Variants in AMPH observed in about 807,000 individuals in gnomAD.
AMPH encodes amphiphysin (Stiff-Mann syndrome with breast cancer 128kD autoantigen).
A neutral mutation model predicts 99.1 loss-of-function variants in AMPH; 49 were observed. The observed-to-expected ratio is 0.49, with a 90% CI of 0.39 to 0.63. The LOEUF is 0.63. Among genes scored for constraint, AMPH ranks in the 20% least tolerant of loss-of-function variants. The probability of loss-of-function intolerance (pLI) is 0.00; values close to 1 mark genes in which losing one functional copy is unlikely to be tolerated. For synonymous variants in AMPH, 314 were observed against 317.3 expected (o/e 0.99, Z 0.11); for missense variants, 759 against 863.4 (o/e 0.88, Z 1.52).
intron 1 of AMPH, among the ~76,000 whole-genome samples, chr7:38,546,522 A>C (rs935537175): frequency 2.0e-5 from 3 of 152,208 alleles, no homozygotes; most frequent in African/African-American, 7.2e-5. Context: ...ATTTTATAAT[A>C]AAAAGTTGGA....
chr7:38,564,026 G>T (rs79349513), intron 1 of AMPH, among the ~76,000 whole-genome samples: 6,463 of 152,204 alleles, frequency 0.042, 175 homozygotes, highest in East Asian at 0.077. Flanking sequence ...CACTTGGGTC[G>T]CTTCCAACTT....
At chr7:38,606,060 G>A (rs923272663) in intron 1 of AMPH, among the ~76,000 whole-genome samples, 1 of 152,136 alleles carries the variant, frequency 6.6e-6, no homozygotes, top group African/African-American at 2.4e-5. Flanking sequence ...TGTGGAACTC[G>A]TGCAAGCCTG....
At chr7:38,533,256 C>T (rs1790479723) in intron 2 of AMPH, among the ~76,000 whole-genome samples, 1 of 152,194 alleles carries the variant, frequency 6.6e-6, no homozygotes, top group Admixed American at 6.5e-5. Context: ...TCTAGGAATT[C>T]TCTTTTCTAC....
chr7:38,449,795 C>T (rs192994114), intron 11 of AMPH, among the ~76,000 whole-genome samples: 5 of 152,156 alleles, frequency 3.3e-5, no homozygotes, highest in Non-Finnish European at 5.9e-5. Context: ...AAAGAAGAGG[C>T]AGCTGGTCCA....
At chr7:38,545,710 G>A (rs1227157129) in intron 1 of AMPH, among the ~76,000 whole-genome samples, 1 of 152,152 alleles carries the variant, frequency 6.6e-6, no homozygotes, top group Non-Finnish European at 1.5e-5. Flanking sequence ...TAGATGTTCT[G>A]CACAATCTCA....
At position 38,566,623 on chromosome 7, in the gene AMPH, C is replaced by A. The variant is rs549526408; in HGVS notation, c.70-31612G>T. On this transcript the variant is annotated intron_variant, in intron 1 of 20. Coordinates refer to ENST00000356264, the MANE Select transcript of AMPH (RefSeq NM_001635.4). ...GAGTGAACAGGCAACCTACAGAATGCGAGAAAATTTTTGCGATCTACCCAT... is the reference window on the plus strand; with the variant it reads ...GAGTGAACAGGCAACCTACAGAATGAGAGAAAATTTTTGCGATCTACCCAT... Among the ~76,000 whole-genome samples, 166 of 151,900 alleles carry A rather than the reference C, an allele frequency of 1.1e-3. 1 individual carries two copies. The highest frequency in any genetic ancestry group is 1.0e-3 in the Non-Finnish European group (68 of 67,940).
intron 7 of AMPH, among the ~76,000 whole-genome samples, chr7:38,470,435 T>C (rs2129012264): frequency 6.6e-6 from 1 of 152,246 alleles, no homozygotes; most frequent in Admixed American, 6.5e-5. Flanking sequence ...CTCATCTGCT[T>C]GATACCTCTA....
intron 3 of AMPH, among the ~76,000 whole-genome samples, chr7:38,497,305 T>C (rs1788967151): frequency 6.6e-6 from 1 of 152,068 alleles, no homozygotes; most frequent in Admixed American, 6.6e-5. Flanking sequence ...ACCTCCGAGA[T>C]TGAATAATAT....
intron 1 of AMPH, among the ~76,000 whole-genome samples, chr7:38,579,933 T>C (rs1003273972): frequency 2.0e-5 from 3 of 152,138 alleles, no homozygotes; most frequent in African/African-American, 7.2e-5. Context: ...AGAAAATGCA[T>C]ACCAGTCCCA....
chr7:38,538,227 A>C (rs765654677), intron 1 of AMPH, among the ~76,000 whole-genome samples: 15 of 152,228 alleles, frequency 9.9e-5, no homozygotes, highest in Non-Finnish European at 1.9e-4. Flanking sequence ...TTTCAAATAC[A>C]TTCTGAGAAT....
intron 1 of AMPH, among the ~76,000 whole-genome samples, chr7:38,553,003 T>G (rs529947867): frequency 6.6e-6 from 1 of 152,300 alleles, no homozygotes; most frequent in Admixed American, 6.5e-5. Context: ...GTTCCCTTGA[T>G]CTTAACTTCC....
intron 7 of AMPH, among the ~76,000 whole-genome samples, chr7:38,470,484 T>G (rs74413520): frequency 0.023 from 3,452 of 152,208 alleles, 125 homozygotes; most frequent in African/African-American, 0.079. Flanking sequence ...TTTTTAAAAT[T>G]CTCTCCATTC....
intron 11 of AMPH, among the ~76,000 whole-genome samples, chr7:38,456,538 A>T (rs1584115978): frequency 6.6e-6 from 1 of 152,154 alleles, no homozygotes; most frequent in South Asian, 2.1e-4. Flanking sequence ...GGCCAGCCCA[A>T]CCTGCCAAAG....
In AMPH at chr7:38,384,175, A is replaced by G. The variant is rs1294616769; in HGVS notation, c.*643T>C. The stretch of plus-strand genomic sequence containing the variant: ...CAATTGTAATGCCAGACAGAATAAG[A>G]GCAATGCATGTATCAATGACAATTG... On this transcript the variant is annotated 3_prime_UTR_variant, in exon 21 of 21. Coordinates refer to ENST00000356264, the MANE Select transcript of AMPH (RefSeq NM_001635.4). 1.3e-5 allele frequency: 2 copies of G among 152,496 alleles called. No homozygotes were observed. Among genetic ancestry groups the G allele is most frequent in the African/African-American group, 2.4e-5 (1 of 41,470 alleles). 9.4% of individuals were successfully genotyped at this position (152,496 alleles called of 1,614,324 possible). A position where few individuals can be genotyped will look rare whatever the true frequency, so the allele number is the denominator to read the frequency against.
At chr7:38,505,659 G>A (rs180768587) in intron 2 of AMPH, among the ~76,000 whole-genome samples, 119 of 152,268 alleles carry the variant, frequency 7.8e-4, no homozygotes, top group South Asian at 7.7e-3. Context: ...ACTATTTCCA[G>A]AGAGAGGAAG....
chr7:38,514,090 C>T (rs1361444454), intron 2 of AMPH, among the ~76,000 whole-genome samples: 1 of 152,182 alleles, frequency 6.6e-6, no homozygotes, highest in African/African-American at 2.4e-5. Context: ...CTATAGCTCT[C>T]ATCATTTTCT....
At chr7:38,469,815 C>T (rs1474498896) in intron 7 of AMPH, among the ~76,000 whole-genome samples, 1 of 152,112 alleles carries the variant, frequency 6.6e-6, no homozygotes, top group African/African-American at 2.4e-5. Context: ...ACTAGGGACC[C>T]CAGCATTCTA....
At chr7:38,466,601 T>A (rs545284146) in intron 7 of AMPH, among the ~76,000 whole-genome samples, 1 of 152,070 alleles carries the variant, frequency 6.6e-6, no homozygotes, top group East Asian at 1.9e-4. Context: ...TTCTAGGTGA[T>A]AACTGATGCT....
intron 7 of AMPH, among the ~76,000 whole-genome samples, 155 bp from the exon 8 acceptor site, chr7:38,466,403 C>G (rs951080353): frequency 6.6e-6 from 1 of 152,052 alleles, no homozygotes; most frequent in African/African-American, 2.4e-5. Flanking sequence ...CAAAGCAAGC[C>G]CAACATTTCC....
Sources: gnomAD v4.1 joint callset for allele counts (sites outside exome capture counted in the v4.1 genomes callset) on GRCh38, gnomAD v4.1.1 for gene constraint, MANE v1.5 for transcripts, NCBI Gene and HGNC (gene_info 2026-07-23, HGNC 2026-07-21) for gene names.